The following CCDC149 variants were observed in gnomAD, a reference collection of about 807,000 sequenced individuals.
CCDC149 encodes coiled-coil domain containing 149.
Under a neutral mutation model 59.9 loss-of-function variants are expected in CCDC149, and 45 were observed. The ratio of observed to expected loss-of-function variants is 0.75; its 90% CI spans 0.59 to 0.96. The LOEUF (loss-of-function observed/expected upper bound fraction) is 0.96, where lower values mean the gene tolerates loss of function less well. CCDC149 is among the 40% of genes least tolerant of loss of function. CCDC149 has a pLI of 0.00. For missense variants in CCDC149, 584 were observed against 664.7 expected (o/e 0.88, Z 1.33); for synonymous variants, 245 against 260.6 (o/e 0.94, Z 0.58).
chr4:24,889,348 G>A (rs1326252524), intron 1 of CCDC149, among the ~76,000 whole-genome samples: 1 of 152,172 alleles, frequency 6.6e-6, no homozygotes, highest in Non-Finnish European at 1.5e-5. Flanking sequence ...ACTTGTTGAA[G>A]ATAGCATCTA....
At chr4:24,851,094 A>T (rs1470555048) in intron 4 of CCDC149, among the ~76,000 whole-genome samples, 1 of 152,106 alleles carries the variant, frequency 6.6e-6, no homozygotes, top group Non-Finnish European at 1.5e-5. Context: ...TAAATTCTAA[A>T]CCTAAGGTGA....
intron 11 of CCDC149, among the ~76,000 whole-genome samples, chr4:24,820,819 C>T (rs1171339168): frequency 6.6e-6 from 1 of 152,086 alleles, no homozygotes; most frequent in African/African-American, 2.4e-5. Context: ...TATGTGGAGA[C>T]CAGAGATAAG....
At chr4:24,959,526 T>C (rs1723577332) in intron 1 of CCDC149, among the ~76,000 whole-genome samples, 1 of 151,838 alleles carries the variant, frequency 6.6e-6, no homozygotes, top group Non-Finnish European at 1.5e-5. Flanking sequence ...ATGGCAAAAA[T>C]TTGAATTATA....
At chr4:24,942,046 T>C (rs1217861405) in intron 1 of CCDC149, among the ~76,000 whole-genome samples, 7 of 152,228 alleles carry the variant, frequency 4.6e-5, no homozygotes, top group Admixed American at 4.6e-4. Context: ...ACTCATTTTA[T>C]GAGGCCAGCA....
At chr4:24,868,242 A>G (rs1371900698) in intron 3 of CCDC149, among the ~76,000 whole-genome samples, 1 of 152,202 alleles carries the variant, frequency 6.6e-6, no homozygotes, top group East Asian at 1.9e-4. Context: ...GGCTAAACGG[A>G]AAGTTTCAAG....
intron 7 of CCDC149, among the ~76,000 whole-genome samples, chr4:24,835,791 G>A (rs914487515): frequency 7.2e-5 from 11 of 152,016 alleles, no homozygotes; most frequent in Admixed American, 7.2e-4. Flanking sequence ...GCATCTAGAC[G>A]GCTGTAAAAC....
intron 4 of CCDC149, 21 bp from the exon 5 acceptor site, chr4:24,838,293 A>C (rs781763402): frequency 1.9e-6 from 3 of 1,565,474 alleles, no homozygotes; most frequent in Non-Finnish European, 2.6e-6. Flanking sequence ...CATTGGTAGA[A>C]AAAGAAAAAG....
intron 3 of CCDC149, among the ~76,000 whole-genome samples, chr4:24,870,357 A>C (rs1718963747): frequency 6.6e-6 from 1 of 152,236 alleles, no homozygotes. Flanking sequence ...CTTAAAGCCC[A>C]CATTACCTCT....
At chr4:24,804,927 C>T (rs1714078529), downstream of CCDC149, among the ~76,000 whole-genome samples, 1 of 152,072 alleles carries the variant, frequency 6.6e-6, no homozygotes, top group Non-Finnish European at 1.5e-5. Context: ...GAGCTGAGGC[C>T]ATCAGGAGCC....
At chr4:24,906,401 T>TTTTATTTTTTTTTATTTTA (rs1721531209) in intron 1 of CCDC149, among the ~76,000 whole-genome samples, 1 of 102,106 alleles carries the variant, frequency 9.8e-6, no homozygotes, top group Non-Finnish European at 2.1e-5. Context: ...TTTTATTTTA[T>TTTTATTTTTTTTTATTTTA]TTTATTTTAC....
intron 1 of CCDC149, among the ~76,000 whole-genome samples, chr4:24,958,448 A>C (rs1723536123): frequency 6.6e-6 from 1 of 152,204 alleles, no homozygotes; most frequent in African/African-American, 2.4e-5. Context: ...TCTTCAGACC[A>C]AAGACCCACT....
intron 3 of CCDC149, among the ~76,000 whole-genome samples, chr4:24,853,587 CAAA>C (rs11291619): frequency 7.6e-5 from 7 of 92,356 alleles, no homozygotes; most frequent in Admixed American, 1.1e-4. Flanking sequence ...GACTCCATTT[CAAA>C]AAAAAAAAAA....
At chr4:24,827,055 T>C (rs1001513018) in intron 9 of CCDC149, 1 of 152,142 alleles carries the variant, frequency 6.6e-6, no homozygotes, top group African/African-American at 2.4e-5. Flanking sequence ...TCTAGGAAAA[T>C]CTCTCAGGAT....
At position 24,975,482 on chromosome 4, in the gene CCDC149, G is replaced by C. The variant is rs148655710; in HGVS notation, c.-65+4587C>G. Reference sequence around the variant, plus strand: ...GGAGGGGAGGGGAAGAGAAGAAAGCGGGGAGGAGAGGGGACAGGAGAGGGA... The same window carrying C: ...GGAGGGGAGGGGAAGAGAAGAAAGCCGGGAGGAGAGGGGACAGGAGAGGGA... On this transcript the variant is annotated intron_variant, in intron 1 of 12. Coordinates refer to the CCDC149 transcript ENST00000389609. Among the ~76,000 whole-genome samples, 1,133 of 143,096 alleles carry C rather than the reference G, an allele frequency of 7.9e-3. 9 individuals are homozygous for C. The highest frequency in any genetic ancestry group is 0.012 in the Non-Finnish European group (790 of 65,140). The allele number at this position is 143,096 out of a possible 152,430, so 93.9% of individuals were successfully genotyped here.
chr4:24,868,094 T>C (rs1407427590), intron 3 of CCDC149, among the ~76,000 whole-genome samples: 1 of 152,218 alleles, frequency 6.6e-6, no homozygotes, highest in African/African-American at 2.4e-5. Context: ...GCCTTTGGTA[T>C]AAATATTTAG....
At chr4:24,892,350 T>C (rs985748414) in intron 1 of CCDC149, among the ~76,000 whole-genome samples, 2 of 152,206 alleles carry the variant, frequency 1.3e-5, no homozygotes, top group East Asian at 3.9e-4. Flanking sequence ...TTAAATGAGA[T>C]AATGAAAAGA....
chr4:24,979,851 G>A (rs1193199865), intron 1 of CCDC149, among the ~76,000 whole-genome samples: 6 of 152,110 alleles, frequency 3.9e-5, no homozygotes, highest in African/African-American at 9.7e-5. Flanking sequence ...TGAATGTCAC[G>A]TCAATGCGTC....
chr4:24,891,978 G>GA (rs1320383910), intron 1 of CCDC149, among the ~76,000 whole-genome samples: 1 of 152,124 alleles, frequency 6.6e-6, no homozygotes, highest in Non-Finnish European at 1.5e-5. Flanking sequence ...CAGCCTGGGG[G>GA]AGAGAGTGAG....
intron 12 of CCDC149, among the ~76,000 whole-genome samples, chr4:24,813,763 A>C (rs1294979736): frequency 5.9e-5 from 9 of 152,176 alleles, no homozygotes; most frequent in African/African-American, 1.9e-4. Flanking sequence ...AATGTTTAAA[A>C]GTTTTAAAAT....
Sources: gnomAD v4.1 joint callset for allele counts (sites outside exome capture counted in the v4.1 genomes callset) on GRCh38, gnomAD v4.1.1 for gene constraint, MANE v1.5 for transcripts, NCBI Gene and HGNC (gene_info 2026-07-23, HGNC 2026-07-21) for gene names.